UTP20: variants seen among roughly 807,000 people sequenced by gnomAD.
UTP20 encodes UTP20 small subunit processome component.
In UTP20, 164 loss-of-function variants were observed where a neutral mutation model predicts 329.5. The ratio of observed to expected loss-of-function variants is 0.50; its 90% CI spans 0.44 to 0.57. The LOEUF is 0.57. Among genes scored for constraint, UTP20 ranks in the 20% least tolerant of loss-of-function variants. The pLI is 0.00. For missense variants in UTP20, 3,055 were observed against 3,284.2 expected (o/e 0.93, Z 1.71); for synonymous variants, 1,151 against 1,159.3 (o/e 0.99, Z 0.14).
In UTP20 at chr12:101,361,494, C is replaced by T. The variant is rs911723627; in HGVS notation, c.5692-468C>T. Among the ~76,000 whole-genome samples, 50 of 151,952 alleles carry T rather than the reference C, an allele frequency of 3.3e-4. 1 individual carries two copies. The highest frequency in any genetic ancestry group is 1.1e-3 in the African/African-American group (47 of 41,476). On this transcript the variant is annotated intron_variant, in intron 43 of 61. Transcript: ENST00000261637. ...CAAAAAAATTAGCCAGTCACGATGC[C>T]GGGTGACTGTAATCCTAGCTACTCG...
At chr12:101,288,049 C>G (rs1322195609) in intron 5 of UTP20, among the ~76,000 whole-genome samples, 3 of 152,178 alleles carry the variant, frequency 2.0e-5, no homozygotes, top group Non-Finnish European at 4.4e-5. Flanking sequence ...TGGGTTCATC[C>G]CTTGCCATTT....
chr12:101,339,331 A>T (rs969509997), intron 31 of UTP20, among the ~76,000 whole-genome samples: 3 of 151,998 alleles, frequency 2.0e-5, no homozygotes, highest in African/African-American at 7.2e-5. Context: ...AATAAAATAA[A>T]ATAAATTTAA....
intron 29 of UTP20, among the ~76,000 whole-genome samples, chr12:101,335,664 C>T (rs1405374193): frequency 6.6e-6 from 1 of 152,092 alleles, no homozygotes; most frequent in Non-Finnish European, 1.5e-5. Context: ...AAATCATAGT[C>T]TTGGTTTTTA....
intron 18 of UTP20, among the ~76,000 whole-genome samples, chr12:101,308,785 T>G (rs185422897): frequency 1.9e-3 from 290 of 150,798 alleles, no homozygotes; most frequent in African/African-American, 6.3e-3. Flanking sequence ...CAGGCTGGAG[T>G]GCAGTGGCGC....
chr12:101,290,375 C>A, intron 7 of UTP20, 101 bp downstream of exon 7: 1 of 1,365,398 alleles, frequency 7.3e-7, no homozygotes, highest in Non-Finnish European at 9.8e-7. Context: ...GCCTAGAGTA[C>A]ATAGCACTAG....
At position 101,357,027 on chromosome 12, in the gene UTP20, A is replaced by G; in HGVS notation, c.5636A>G (p.His1879Arg). ...LAKIIEDLGVHFLLYVLKELQ... is the reference protein window; with the variant it reads ...LAKIIEDLGVRFLLYVLKELQ... ...AAAATAATAGAGGATCTTGGTGTGC[A>G]CTTCCTCCTATATGTTTTAAAAGAA... is the stretch of plus-strand genomic sequence containing the variant. The change falls in exon 43 of 62, where the codon CAC (histidine) becomes CGC (arginine). Residue 1879 changes from histidine to arginine, a missense_variant. Physicochemically the swap from His to Arg is conservative, Grantham distance 29. Around this residue, in one of 3 missense-constraint regions of UTP20, gnomAD observed 2,445 missense variants for 2,575.5 expected, o/e 0.95. Transcript: ENST00000261637. The G allele has an allele frequency of 1.2e-6, 2 of 1,613,954 alleles. No individual in the cohort carries two copies. Among genetic ancestry groups the G allele is most frequent in the African/African-American group, 1.3e-5 (1 of 75,038 alleles).
At chr12:101,319,242 T>C (rs10778112) in intron 22 of UTP20, among the ~76,000 whole-genome samples, 86,050 of 152,026 alleles carry the variant, frequency 0.57, 27,393 homozygotes, top group East Asian at 0.94. Flanking sequence ...CATCTGAGTT[T>C]AATTTTGGAA....
At chr12:101,306,148 G>A (rs934379972) in intron 16 of UTP20, 83 bp downstream of exon 16, 3 of 1,403,490 alleles carry the variant, frequency 2.1e-6, no homozygotes, top group Non-Finnish European at 2.8e-6. Flanking sequence ...GAGCATCTTA[G>A]TTAGAAAGTG....
intron 47 of UTP20, among the ~76,000 whole-genome samples, 158 bp downstream of exon 47, chr12:101,366,857 A>AT (rs1027639605): frequency 2.0e-5 from 3 of 151,658 alleles, no homozygotes; most frequent in Non-Finnish European, 4.4e-5. Context: ...TCCATTTACT[A>AT]TTTATCTCTT....
At chr12:101,312,419 T>TTTTG (rs1248379464) in intron 21 of UTP20, 143 bp downstream of exon 21, 3 of 1,265,034 alleles carry the variant, frequency 2.4e-6, no homozygotes, top group Non-Finnish European at 2.1e-6. Flanking sequence ...CTGAGGTATT[T>TTTTG]TTTGTTTGTT....
rs371238627 is a variant in UTP20 at position 101,340,037 on chromosome 12, G to A, written c.4014-486G>A. Among the ~76,000 whole-genome samples the A allele has an allele frequency of 3.3e-5, 5 of 152,186 alleles. No homozygotes were observed. The South Asian group carries it at 1.0e-3, about 32-fold the overall frequency. ...GAACCAGAAAGACCAGAGTTTGAAAGACCTGCTGTACTTCTTCTAGCTGTG... is the reference window on the plus strand; with the variant it reads ...GAACCAGAAAGACCAGAGTTTGAAAAACCTGCTGTACTTCTTCTAGCTGTG... On this transcript the variant is annotated intron_variant, in intron 31 of 61. Transcript: ENST00000261637.
chr12:101,287,181 G>A (rs2137230400), intron 5 of UTP20, among the ~76,000 whole-genome samples: 1 of 152,250 alleles, frequency 6.6e-6, no homozygotes, highest in South Asian at 2.1e-4. Flanking sequence ...CACAGTAAAT[G>A]GTGTATGCAT....
chr12:101,339,061 C>A, intron 31 of UTP20, 104 bp downstream of exon 31: 2 of 1,241,926 alleles, frequency 1.6e-6, no homozygotes, highest in South Asian at 1.7e-5. Context: ...ACCTGTAATC[C>A]CAGCACTTTG....
At chr12:101,381,381 A>G (rs937195500) in intron 58 of UTP20, among the ~76,000 whole-genome samples, 170 bp downstream of exon 58, 2 of 152,176 alleles carry the variant, frequency 1.3e-5, no homozygotes, top group African/African-American at 4.8e-5. Context: ...AAAAATACAA[A>G]AAAATTAGCA....
chr12:101,354,467 CAA>C (rs567724022), intron 40 of UTP20, among the ~76,000 whole-genome samples: 72 of 152,162 alleles, frequency 4.7e-4, no homozygotes, highest in African/African-American at 1.7e-3. Flanking sequence ...CAGAAACTGA[CAA>C]AGACTCTGGG....
At chr12:101,286,297 C>T in intron 4 of UTP20, 24 bp from the exon 5 acceptor site, 1 of 1,540,828 alleles carries the variant, frequency 6.5e-7, no homozygotes, top group Non-Finnish European at 8.7e-7. Context: ...TCCACATGAT[C>T]AGTTGCTTCT....
intron 4 of UTP20, 123 bp downstream of exon 4, chr12:101,286,004 C>T (rs1871949876): frequency 7.2e-7 from 1 of 1,397,940 alleles, no homozygotes. Context: ...GAGGATTTTC[C>T]TTTTCTGTTA....
chr12:101,293,377 A>G lies in UTP20; in HGVS notation c.1251+132A>G, dbSNP rs1483149010. The stretch of plus-strand genomic sequence containing the variant: ...ATAAGTGCTTGATGTTTTAGTCAAT[A>G]TGTTTTTTAAAGAAATTATATTCAA... On this transcript the variant is annotated intron_variant, in intron 11 of 61. Coordinates refer to ENST00000261637, the MANE Select transcript of UTP20 (RefSeq NM_014503.3). The G allele has an allele frequency of 6.2e-5, 46 of 746,394 alleles. No homozygotes were observed. The East Asian group carries it at 1.2e-3, about 20-fold the overall frequency. 46.2% of individuals were successfully genotyped at this position (746,394 alleles called of 1,614,324 possible).
chr12:101,358,097 C>T (rs1159747783), intron 43 of UTP20, among the ~76,000 whole-genome samples: 2 of 152,160 alleles, frequency 1.3e-5, no homozygotes, highest in Admixed American at 6.5e-5. Context: ...CTTTGTACAT[C>T]CTAGTTTGTT....
Sources: gnomAD v4.1 joint callset for allele counts (sites outside exome capture counted in the v4.1 genomes callset) on GRCh38, gnomAD v4.1.1 for gene constraint, gnomAD v4.1.1 regional missense constraint, MANE v1.5 for transcripts, NCBI Gene and HGNC (gene_info 2026-07-23, HGNC 2026-07-21) for gene names.